LSAMP: variants seen among roughly 807,000 people sequenced by gnomAD.
LSAMP encodes the protein limbic system-associated membrane protein.
LSAMP carries 7 observed loss-of-function variants against 38.6 expected under a neutral mutation model. The observed-to-expected ratio is 0.18, with a 90% CI of 0.10 to 0.34. The LOEUF is 0.34. Among genes scored for constraint, LSAMP ranks in the 10% least tolerant of loss-of-function variants. The pLI, the probability that LSAMP is intolerant of heterozygous loss-of-function variation, is 1.00. For synonymous variants in LSAMP, 154 were observed against 166.8 expected (o/e 0.92, Z 0.59); for missense variants, 313 against 420.0 (o/e 0.75, Z 2.23).
intron 1 of LSAMP, among the ~76,000 whole-genome samples, chr3:116,220,164 CAG>C (rs2046264262): frequency 6.8e-6 from 1 of 147,010 alleles, no homozygotes; most frequent in African/African-American, 2.6e-5. Context: ...GCCTGGGTGA[CAG>C]AGTGAGACTC....
rs140253167 is a variant in LSAMP, at chr3:116,133,804, C to A, written c.156-47248G>T. 1.3e-4 allele frequency among the ~76,000 whole-genome samples: 20 copies of A among 151,998 alleles called. 1 individual carries two copies. The highest frequency in any genetic ancestry group is 4.8e-4 in the African/African-American group (20 of 41,354). On this transcript the variant is annotated intron_variant, in intron 1 of 6. Transcript: ENST00000490035. ...ACTAAATGATATCATTTAAATAAAT[C>A]CAGAGTATAGTATATACCACAAGAT...
chr3:116,032,276 TG>T, intron 2 of LSAMP, among the ~76,000 whole-genome samples: 1 of 152,312 alleles, frequency 6.6e-6, no homozygotes, highest in South Asian at 2.1e-4. Context: ...TTATACAGTT[TG>T]CAAAGCACTG....
chr3:115,893,300 G>A (rs1428562069), intron 3 of LSAMP, among the ~76,000 whole-genome samples: 2 of 150,276 alleles, frequency 1.3e-5, no homozygotes, highest in East Asian at 1.9e-4. Flanking sequence ...GTATAATAAA[G>A]AAATCAACAA....
intron 1 of LSAMP, among the ~76,000 whole-genome samples, chr3:116,149,763 T>G (rs1340756984): frequency 6.6e-6 from 1 of 151,994 alleles, no homozygotes. Context: ...GTAATGGTGA[T>G]GTACTTCTTT....
intron 1 of LSAMP, among the ~76,000 whole-genome samples, chr3:116,282,162 TGA>T (rs1038811721): frequency 2.6e-5 from 4 of 152,116 alleles, no homozygotes; most frequent in Admixed American, 6.5e-5. Flanking sequence ...ATTGAAATAG[TGA>T]GAGTTTGGTT....
chr3:115,918,282 T>C (rs1937298923), intron 3 of LSAMP, among the ~76,000 whole-genome samples: 1 of 152,190 alleles, frequency 6.6e-6, no homozygotes, highest in African/African-American at 2.4e-5. Flanking sequence ...TTATTCTTCT[T>C]GGCCTGGATA....
chr3:116,410,107 T>A (rs1244823671), intron 1 of LSAMP, among the ~76,000 whole-genome samples: 1 of 152,084 alleles, frequency 6.6e-6, no homozygotes, highest in African/African-American at 2.4e-5. Context: ...ATTATGAGGA[T>A]ACAATTTTCA....
chr3:116,298,280 A>C (rs932236949), intron 1 of LSAMP, among the ~76,000 whole-genome samples: 5 of 152,202 alleles, frequency 3.3e-5, no homozygotes, highest in African/African-American at 1.2e-4. Context: ...CAGAAGGGAG[A>C]GACCCTCCTT....
intron 1 of LSAMP, among the ~76,000 whole-genome samples, chr3:116,144,130 G>T (rs1290611919): frequency 6.6e-6 from 1 of 151,878 alleles, no homozygotes; most frequent in African/African-American, 2.4e-5. Context: ...ATTTTATGTG[G>T]TCATTTTTTT....
At chr3:115,869,439 C>A (rs1269619543) in intron 3 of LSAMP, among the ~76,000 whole-genome samples, 1 of 152,112 alleles carries the variant, frequency 6.6e-6, no homozygotes, top group Non-Finnish European at 1.5e-5. Context: ...ATATGTCCAG[C>A]ACTAGGCTGG....
chr3:116,144,334 G>A (rs1396786753), intron 1 of LSAMP, among the ~76,000 whole-genome samples: 1 of 151,820 alleles, frequency 6.6e-6, no homozygotes, highest in Non-Finnish European at 1.5e-5. Context: ...ACCAGCCTGG[G>A]TAATATAGTG....
At chr3:116,065,041 G>A (rs1696971624) in intron 2 of LSAMP, among the ~76,000 whole-genome samples, 1 of 152,094 alleles carries the variant, frequency 6.6e-6, no homozygotes, top group South Asian at 2.1e-4. Context: ...TTGTCAGATG[G>A]ACATTTACCT....
intron 2 of LSAMP, among the ~76,000 whole-genome samples, chr3:116,033,709 CATG>C (rs1266404753): frequency 1.3e-5 from 2 of 152,070 alleles, no homozygotes; most frequent in African/African-American, 4.8e-5. Flanking sequence ...GCTTATACAA[CATG>C]ATGTGTCCAC....
chr3:116,385,011 A>C (rs2048606676), intron 1 of LSAMP, among the ~76,000 whole-genome samples: 1 of 152,072 alleles, frequency 6.6e-6, no homozygotes, highest in South Asian at 2.1e-4. Context: ...ATTATAGGAC[A>C]AGCAGGGGTG....
intron 1 of LSAMP, among the ~76,000 whole-genome samples, chr3:116,229,390 G>A (rs548857220): frequency 5.1e-4 from 77 of 152,178 alleles, no homozygotes; most frequent in Non-Finnish European, 9.3e-4. Context: ...ATTTGCTAGT[G>A]GATATCATTA....
At chr3:116,098,603 T>A (rs751524596) in intron 1 of LSAMP, among the ~76,000 whole-genome samples, 4 of 152,216 alleles carry the variant, frequency 2.6e-5, no homozygotes, top group Non-Finnish European at 5.9e-5. Context: ...TGCTTTTCCA[T>A]CACACACTTT....
chr3:116,292,778 A>G (rs1269545927), intron 1 of LSAMP, among the ~76,000 whole-genome samples: 1 of 152,260 alleles, frequency 6.6e-6, no homozygotes, highest in Non-Finnish European at 1.5e-5. Context: ...TCGCAAGGTT[A>G]AATGGTTTGC....
At chr3:116,233,412 CA>C (rs3028677) in intron 1 of LSAMP, among the ~76,000 whole-genome samples, 13 of 70,032 alleles carry the variant, frequency 1.9e-4, no homozygotes, top group African/African-American at 6.8e-4. Context: ...GACTCTGTCT[CA>C]AAAAAAAAAA....
At chr3:115,945,230 C>T (rs1254653390) in intron 3 of LSAMP, among the ~76,000 whole-genome samples, 1 of 152,132 alleles carries the variant, frequency 6.6e-6, no homozygotes, top group Non-Finnish European at 1.5e-5. Flanking sequence ...TTATGGCTTA[C>T]ATACATTCCC....
Sources: gnomAD v4.1 joint callset for allele counts (sites outside exome capture counted in the v4.1 genomes callset) on GRCh38, gnomAD v4.1.1 for gene constraint, MANE v1.5 for transcripts, NCBI Gene and HGNC (gene_info 2026-07-23, HGNC 2026-07-21) for gene names.